DCAF6: variants seen among roughly 807,000 people sequenced by gnomAD.
DCAF6 encodes the protein DDB1- and CUL4-associated factor 6.
A neutral mutation model predicts 125.1 loss-of-function variants in DCAF6; 54 were observed. The observed-to-expected ratio is 0.43, with a 90% CI of 0.35 to 0.54. The LOEUF (loss-of-function observed/expected upper bound fraction) is 0.54, where lower values mean the gene tolerates loss of function less well. DCAF6 is among the 20% of genes least tolerant of loss of function. The probability of loss-of-function intolerance (pLI) is 0.01; values close to 1 mark genes in which losing one functional copy is unlikely to be tolerated. For synonymous variants in DCAF6, 371 were observed against 390.4 expected, an observed-to-expected ratio of 0.95 and a Z score of 0.58; for missense variants, 934 against 1,161.7, an observed-to-expected ratio of 0.80 and a Z score of 2.85.
intron 13 of DCAF6, among the ~76,000 whole-genome samples, chr1:168,040,045 G>A (rs1165487258): frequency 1.3e-5 from 2 of 151,982 alleles, no homozygotes; most frequent in East Asian, 3.8e-4. Flanking sequence ...GTACCATATA[G>A]TATGTTAGAA....
At chr1:167,986,989 G>A (rs1005047921) in intron 4 of DCAF6, among the ~76,000 whole-genome samples, 9 of 152,084 alleles carry the variant, frequency 5.9e-5, no homozygotes, top group African/African-American at 2.2e-4. Flanking sequence ...ACATTTCGTT[G>A]ACATTAAGTA....
In DCAF6 at chr1:167,991,314, G is replaced by A. The variant is rs535125415; in HGVS notation, c.663G>A (p.Arg221=). The A allele has an allele frequency of 3.1e-6, 5 of 1,612,634 alleles. No individual in the cohort carries two copies. The Admixed American group carries it at 6.7e-5, about 22-fold the overall frequency. The change falls in exon 6 of 22, where the codon CGG becomes CGA. Residue 221 remains arginine (R), a synonymous_variant. Transcript: ENST00000367840. ...ACAGCTCAGTACGAATATATGATCG[G>A]CGAATGCTGGGCACAAGAGCTACAG... ...CSDSSVRIYD[R]RMLGTRATGN...
At chr1:167,933,418 C>A (rs1462760615), upstream of DCAF6, among the ~76,000 whole-genome samples, 2 of 152,144 alleles carry the variant, frequency 1.3e-5, no homozygotes. Flanking sequence ...CCACCCACCT[C>A]AGCCTCCCAA....
intron 17 of DCAF6, chr1:168,056,444 G>C: frequency 8.2e-7 from 1 of 1,226,346 alleles, no homozygotes. Context: ...TGCGGGGGTC[G>C]CAGCGCTACG....
At chr1:167,880,690 C>T in the DCAF6 span, 11 of 1,072,094 alleles carry the variant, frequency 1.0e-5, no homozygotes, top group Middle Eastern at 2.5e-4. Flanking sequence ...AACAGAGAGC[C>T]GGCGGCAATT....
At chr1:168,072,722 T>A (rs10918820) in intron 21 of DCAF6, among the ~76,000 whole-genome samples, 4,407 of 152,302 alleles carry the variant, frequency 0.029, 219 homozygotes, top group African/African-American at 0.1. Flanking sequence ...TTAAAGAAAG[T>A]AAATAAATTC....
chr1:167,921,688 T>C, the DCAF6 span, among the ~76,000 whole-genome samples: 1 of 152,230 alleles, frequency 6.6e-6, no homozygotes, highest in African/African-American at 2.4e-5. Flanking sequence ...CCAGTTTTAC[T>C]TGTTAATGTA....
upstream of DCAF6, among the ~76,000 whole-genome samples, chr1:167,935,466 G>C (rs74120570): frequency 6.6e-6 from 1 of 152,242 alleles, no homozygotes. Flanking sequence ...CAAATCTGGA[G>C]ATCAGGTTTG....
intron 16 of DCAF6, among the ~76,000 whole-genome samples, chr1:168,045,466 G>C (rs186039166): frequency 1.3e-5 from 2 of 152,168 alleles, no homozygotes; most frequent in African/African-American, 4.8e-5. Context: ...TAGCACTGAG[G>C]CTTGCTTCTG....
the DCAF6 span, among the ~76,000 whole-genome samples, chr1:167,925,690 G>A: frequency 2.0e-5 from 3 of 151,316 alleles, no homozygotes; most frequent in South Asian, 2.1e-4. Flanking sequence ...GGGATTACAG[G>A]CGCCTGCCAC....
the DCAF6 span, chr1:167,896,666 T>C: frequency 1.2e-6 from 2 of 1,612,954 alleles, no homozygotes; most frequent in East Asian, 2.2e-5. Flanking sequence ...AAAATTAAAA[T>C]TGGGGGGTGG....
chr1:167,889,802 A>AT, the DCAF6 span, among the ~76,000 whole-genome samples: 1 of 152,156 alleles, frequency 6.6e-6, no homozygotes, highest in Non-Finnish European at 1.5e-5. Context: ...TTTCTTCTAG[A>AT]TTTTCCAATT....
Position 168,004,671 on chromosome 1 carries a change from C to T in DCAF6, c.1256C>T (p.Ala419Val), listed in dbSNP as rs1683101946. 1.9e-6 allele frequency: 3 copies of T among 1,613,882 alleles called. No homozygotes were observed. Among genetic ancestry groups the T allele is most frequent in the Non-Finnish European group, 2.5e-6 (3 of 1,179,938 alleles). The change falls in exon 10 of 22, where the codon GCT (alanine) becomes GTT (valine). Residue 419 changes from alanine (A) to valine (V), a missense_variant. Coordinates refer to ENST00000367840, the MANE Select transcript of DCAF6 (RefSeq NM_001198956.2). ...CCTTCTACATCCTCTACAATGTCAGCTCAGGCTCATTCGACATCATCTCCC... is the reference window on the plus strand; with the variant it reads ...CCTTCTACATCCTCTACAATGTCAGTTCAGGCTCATTCGACATCATCTCCC... ...LQPSTSSTMS[A>V]QAHSTSSPTE...
chr1:168,023,905 T>C (rs1164589575), intron 12 of DCAF6: 3 of 152,162 alleles, frequency 2.0e-5, no homozygotes, highest in Non-Finnish European at 4.4e-5. Context: ...TAACACGATA[T>C]TCACTTTCTC....
rs749229561 is a variant in DCAF6 at position 168,063,773 on chromosome 1, A to G, written c.2439+14A>G. On this transcript the variant is annotated intron_variant, in intron 18 of 21. Transcript: ENST00000367840. Reference sequence around the variant, plus strand: ...TCCAGGACAATGGTACCAAATGTTCATGGCATTTTTTGGTGAAATTGCAGT... The same window carrying G: ...TCCAGGACAATGGTACCAAATGTTCGTGGCATTTTTTGGTGAAATTGCAGT... 5 of 1,592,332 alleles carry G rather than the reference A, an allele frequency of 3.1e-6. No homozygotes were observed. The South Asian group carries it at 4.7e-5, about 15-fold the overall frequency.
chr1:168,048,396 C>T (rs1689405023), intron 16 of DCAF6, among the ~76,000 whole-genome samples: 1 of 152,010 alleles, frequency 6.6e-6, no homozygotes, highest in Non-Finnish European at 1.5e-5. Context: ...AGTTTTTGTT[C>T]CAAATTTAAT....
At chr1:167,941,055 CATA>C (rs150470162) in intron 1 of DCAF6, among the ~76,000 whole-genome samples, 1,697 of 152,140 alleles carry the variant, frequency 0.011, 27 homozygotes, top group African/African-American at 0.037. Context: ...CCAGGTTCTT[CATA>C]ATATGTTGCC....
chr1:167,920,032 A>T, the DCAF6 span: 1 of 1,613,804 alleles, frequency 6.2e-7, no homozygotes, highest in Admixed American at 1.7e-5. Flanking sequence ...AGAAATTAAC[A>T]GCAAACAGAC....
chr1:168,016,712 T>A (rs17557162), intron 11 of DCAF6, among the ~76,000 whole-genome samples: 31,463 of 152,090 alleles, frequency 0.21, 3,891 homozygotes, highest in Admixed American at 0.37. Context: ...TTTGTCAACT[T>A]AGTTATTTCA....
Sources: gnomAD v4.1 joint callset for allele counts (sites outside exome capture counted in the v4.1 genomes callset) on GRCh38, gnomAD v4.1.1 for gene constraint, MANE v1.5 for transcripts, NCBI Gene and HGNC (gene_info 2026-07-23, HGNC 2026-07-21) for gene names.